The following ARSB variants were observed in gnomAD, a reference collection of about 807,000 sequenced individuals.
ARSB encodes arylsulfatase B.
In ARSB, 41 loss-of-function variants were observed where a neutral mutation model predicts 50.9. That is an observed-to-expected ratio of 0.81 (90% CI 0.63 to 1.04). ARSB has a LOEUF of 1.04. Among genes scored for constraint, ARSB ranks in the 50% least tolerant of loss-of-function variants. ARSB has a pLI of 0.00. For synonymous variants in ARSB, 269 were observed against 284.8 expected, an observed-to-expected ratio of 0.94 and a Z score of 0.56; for missense variants, 672 against 693.3, an observed-to-expected ratio of 0.97 and a Z score of 0.35.
At chr5:78,868,053 A>C (rs1163101369) in intron 5 of ARSB, among the ~76,000 whole-genome samples, 1 of 140,276 alleles carries the variant, frequency 7.1e-6, no homozygotes, top group Admixed American at 7.5e-5. Flanking sequence ...ACTGGAAGAA[A>C]GGGTATCAGC....
intron 6 of ARSB, among the ~76,000 whole-genome samples, chr5:78,809,256 T>C (rs1449254577): frequency 6.6e-6 from 1 of 152,134 alleles, no homozygotes; most frequent in African/African-American, 2.4e-5. Flanking sequence ...TCAGAGCGGC[T>C]GGGAAGGACT....
At chr5:78,903,533 T>C (rs535988674) in intron 4 of ARSB, among the ~76,000 whole-genome samples, 71 of 152,352 alleles carry the variant, frequency 4.7e-4, no homozygotes, top group Admixed American at 1.6e-3. Context: ...GTAGACCTCC[T>C]CTGGAGTCAA....
chr5:78,800,786 G>GT (rs1170958387), intron 6 of ARSB, among the ~76,000 whole-genome samples: 1 of 152,140 alleles, frequency 6.6e-6, no homozygotes, highest in Non-Finnish European at 1.5e-5. Flanking sequence ...ACTTTGAAGA[G>GT]TAAGCACTAC....
At chr5:78,970,900 G>A (rs1265944822) in intron 1 of ARSB, among the ~76,000 whole-genome samples, 2 of 152,228 alleles carry the variant, frequency 1.3e-5, no homozygotes, top group Non-Finnish European at 2.9e-5. Context: ...GGTCGAGGCT[G>A]CAGTGAGCTG....
rs1390907537 is a variant in ARSB, at chr5:78,777,486, C to A, written c.*2911G>T. On this transcript the variant is annotated 3_prime_UTR_variant, in exon 8 of 8. Coordinates refer to ENST00000264914, the MANE Select transcript of ARSB (RefSeq NM_000046.5). The stretch of plus-strand genomic sequence containing the variant: ...TTTTAAAAGATTAATTTTATTTTGT[C>A]CCCCAAATCTGGGGGGACAAAAGTA... 1 of 152,354 alleles carries A rather than the reference C, an allele frequency of 6.6e-6. No homozygotes were observed. The highest frequency in any genetic ancestry group is 1.5e-5 in the Non-Finnish European group (1 of 68,010). 9.4% of individuals were successfully genotyped at this position (152,354 alleles called of 1,614,324 possible). A position where few individuals can be genotyped will look rare whatever the true frequency, so the allele number is the denominator to read the frequency against.
intron 6 of ARSB, among the ~76,000 whole-genome samples, chr5:78,789,866 G>A (rs766909045): frequency 2.0e-4 from 30 of 152,304 alleles, no homozygotes; most frequent in Admixed American, 7.2e-4. Flanking sequence ...CACCATTTGG[G>A]TCAATATGAG....
At chr5:78,857,524 G>A (rs933844479) in intron 5 of ARSB, among the ~76,000 whole-genome samples, 1 of 152,166 alleles carries the variant, frequency 6.6e-6, no homozygotes, top group Non-Finnish European at 1.5e-5. Context: ...AATCACACAA[G>A]TTCATGAAAT....
At chr5:78,865,274 C>A (rs560403358) in intron 5 of ARSB, among the ~76,000 whole-genome samples, 1 of 152,348 alleles carries the variant, frequency 6.6e-6, no homozygotes, top group East Asian at 1.9e-4. Context: ...CAATTCTCAA[C>A]TTCTGTGCAC....
At chr5:78,859,107 T>C (rs987532899) in intron 5 of ARSB, among the ~76,000 whole-genome samples, 3 of 152,148 alleles carry the variant, frequency 2.0e-5, no homozygotes, top group African/African-American at 7.2e-5. Flanking sequence ...GGTGTGTGTG[T>C]ATGGGGGGCA....
intron 4 of ARSB, among the ~76,000 whole-genome samples, chr5:78,921,006 A>G (rs910079326): frequency 2.6e-5 from 4 of 152,100 alleles, no homozygotes; most frequent in Admixed American, 2.6e-4. Flanking sequence ...TTTAAGACCT[A>G]ACATCCTATC....
At chr5:78,840,612 C>G (rs784584) in intron 5 of ARSB, among the ~76,000 whole-genome samples, 94,168 of 152,030 alleles carry the variant, frequency 0.62, 29,524 homozygotes, top group Middle Eastern at 0.67. Flanking sequence ...AGGAAAGACA[C>G]GATCTCTGAA....
chr5:78,985,425 G>A (rs1753145731), upstream of ARSB: 2 of 508,348 alleles, frequency 3.9e-6, no homozygotes, highest in Admixed American at 4.9e-5. Flanking sequence ...CGGGCCCCCG[G>A]CTGCTGTGGC....
chr5:78,848,570 G>T (rs906293658), intron 5 of ARSB, among the ~76,000 whole-genome samples: 4 of 151,364 alleles, frequency 2.6e-5, no homozygotes, highest in Non-Finnish European at 2.9e-5. Context: ...AGTCCTTTGG[G>T]TATATACCCC....
At chr5:78,930,260 G>T (rs1580076779) in intron 4 of ARSB, among the ~76,000 whole-genome samples, 1 of 152,248 alleles carries the variant, frequency 6.6e-6, no homozygotes, top group East Asian at 1.9e-4. Flanking sequence ...TGACTAATTT[G>T]CATGTATCTG....
At chr5:78,879,721 G>A (rs1443323537) in intron 5 of ARSB, among the ~76,000 whole-genome samples, 3 of 152,204 alleles carry the variant, frequency 2.0e-5, no homozygotes, top group African/African-American at 2.4e-5. Context: ...CACAACAGAC[G>A]TCAATGTGAC....
Position 78,777,871 on chromosome 5 carries a change from A to T in ARSB, c.*2526T>A, listed in dbSNP as rs1174387311. 3 of 151,034 alleles carry T rather than the reference A, an allele frequency of 2.0e-5. No individual in the cohort carries two copies. Among genetic ancestry groups the T allele is most frequent in the African/African-American group, 4.9e-5 (2 of 40,742 alleles). The allele number at this position is 151,034 out of a possible 1,614,324, so 9.4% of individuals were successfully genotyped here. On this transcript the variant is annotated 3_prime_UTR_variant, in exon 8 of 8. Transcript: ENST00000264914. ...CATCTCAAAAAAAAAAAAAAAAAAAATTGGAAAGAAATAACATTATTTCTA... is the reference window on the plus strand; with the variant it reads ...CATCTCAAAAAAAAAAAAAAAAAAATTTGGAAAGAAATAACATTATTTCTA...
In ARSB at chr5:78,824,580, A is replaced by G. The variant is rs905913076; in HGVS notation, c.1213+14776T>C. Among the ~76,000 whole-genome samples the G allele has an allele frequency of 5.3e-5, 8 of 152,272 alleles. No homozygotes were observed. The East Asian group carries it at 7.7e-4, about 15-fold the overall frequency. ...CTTTAAGTGTAGGGTAATAGACCAGATGTGTGGAATGCCAATGTTTTCACC... is the reference window on the plus strand; with the variant it reads ...CTTTAAGTGTAGGGTAATAGACCAGGTGTGTGGAATGCCAATGTTTTCACC... On this transcript the variant is annotated intron_variant, in intron 6 of 7. Coordinates refer to ENST00000264914, the MANE Select transcript of ARSB (RefSeq NM_000046.5).
chr5:78,909,238 T>C (rs2112306327), intron 4 of ARSB, among the ~76,000 whole-genome samples: 1 of 152,352 alleles, frequency 6.6e-6, no homozygotes, highest in African/African-American at 2.4e-5. Flanking sequence ...CACACATTTT[T>C]TTTTCCAGAG....
intron 4 of ARSB, among the ~76,000 whole-genome samples, chr5:78,931,578 A>G (rs1750329793): frequency 1.3e-5 from 2 of 152,132 alleles, no homozygotes; most frequent in South Asian, 2.1e-4. Context: ...AAAAAACACA[A>G]TCAGCCCATT....
Sources: allele counts gnomAD v4.1 joint callset (sites outside exome capture counted in the v4.1 genomes callset), GRCh38; gene constraint gnomAD v4.1.1; transcripts MANE v1.5; gene names NCBI Gene and HGNC (gene_info 2026-07-23, HGNC 2026-07-21).